The following CSMD1 variants were observed in gnomAD, a reference collection of about 807,000 sequenced individuals.
CSMD1 encodes the protein CUB and Sushi multiple domains 1.
CSMD1 carries 213 observed loss-of-function variants against 417.5 expected under a neutral mutation model. The observed-to-expected ratio is 0.51, with a 90% confidence interval of 0.46 to 0.57. The LOEUF is 0.57. CSMD1 is among the 20% of genes least tolerant of loss of function. CSMD1 has a pLI of 0.00. For missense variants in CSMD1, 6,923 were observed against 4,529.7 expected (o/e 1.53, Z -15.17); for synonymous variants, 2,862 against 1,736.8 (o/e 1.65, Z -16.11).
chr8:4,652,318 T>C (rs1285308546), intron 1 of CSMD1, among the ~76,000 whole-genome samples: 1 of 152,170 alleles, frequency 6.6e-6, no homozygotes, highest in Admixed American at 6.5e-5. Context: ...TTGACATTTC[T>C]CATTAGTCTA....
intron 1 of CSMD1, among the ~76,000 whole-genome samples, chr8:4,705,454 G>A (rs1372657181): frequency 6.6e-6 from 1 of 152,114 alleles, no homozygotes; most frequent in Non-Finnish European, 1.5e-5. Context: ...TCAAAAGTGT[G>A]CTCACATAGT....
chr8:4,750,229 G>C (rs578127726), intron 1 of CSMD1, among the ~76,000 whole-genome samples: 3 of 151,012 alleles, frequency 2.0e-5, no homozygotes, highest in South Asian at 2.1e-4. Flanking sequence ...CGATGGTCTC[G>C]ATCTCCCGAC....
intron 10 of CSMD1, among the ~76,000 whole-genome samples, chr8:3,527,694 G>C (rs1374097952): frequency 6.6e-6 from 1 of 152,122 alleles, no homozygotes; most frequent in Non-Finnish European, 1.5e-5. Context: ...TTTTGGCTTA[G>C]AGCAATGTGA....
chr8:4,281,768 G>C (rs1327490841), intron 3 of CSMD1, among the ~76,000 whole-genome samples: 1 of 152,040 alleles, frequency 6.6e-6, no homozygotes, highest in Non-Finnish European at 1.5e-5. Flanking sequence ...AATACATAAA[G>C]GAATAAAGTG....
At chr8:3,727,750 G>C (rs1802577874) in intron 6 of CSMD1, among the ~76,000 whole-genome samples, 1 of 152,152 alleles carries the variant, frequency 6.6e-6, no homozygotes. Context: ...AAGATAATGT[G>C]ATCTGACCAT....
intron 41 of CSMD1, among the ~76,000 whole-genome samples, chr8:3,140,251 G>C (rs776247117): frequency 1.3e-5 from 2 of 152,142 alleles, no homozygotes; most frequent in Non-Finnish European, 2.9e-5. Flanking sequence ...TTGAAAAAGA[G>C]AGAGAGCAGA....
At chr8:4,200,016 G>A (rs150790735) in intron 3 of CSMD1, among the ~76,000 whole-genome samples, 230 of 152,284 alleles carry the variant, frequency 1.5e-3, no homozygotes, top group African/African-American at 4.8e-3. Context: ...TGGACTTGTT[G>A]AAAATTATGT....
chr8:4,467,760 C>T (rs559155863), intron 2 of CSMD1, among the ~76,000 whole-genome samples: 16 of 152,138 alleles, frequency 1.1e-4, no homozygotes, highest in Middle Eastern at 3.4e-3. Flanking sequence ...AAATATTTAC[C>T]GTAGAAAGCA....
At chr8:2,961,328 G>A (rs1206005686) in intron 61 of CSMD1, 114 bp from the exon 62 acceptor site, 2 of 491,758 alleles carry the variant, frequency 4.1e-6, no homozygotes, top group Non-Finnish European at 7.2e-6. Context: ...TTTGAGAAAT[G>A]TGCAAGATGT....
intron 1 of CSMD1, among the ~76,000 whole-genome samples, chr8:4,784,463 G>C (rs770509008): frequency 6.6e-6 from 1 of 152,156 alleles, no homozygotes; most frequent in African/African-American, 2.4e-5. Context: ...AATAACACTT[G>C]CATTGAAATT....
chr8:3,181,053 T>G, intron 37 of CSMD1, 57 bp downstream of exon 37: 2 of 1,057,610 alleles, frequency 1.9e-6, no homozygotes, highest in Non-Finnish European at 2.9e-6. Flanking sequence ...TATTTTTTCT[T>G]TAAAAAAATG....
intron 3 of CSMD1, among the ~76,000 whole-genome samples, chr8:4,063,219 G>C (rs1476493356): frequency 2.0e-5 from 3 of 151,972 alleles, no homozygotes; most frequent in African/African-American, 7.3e-5. Flanking sequence ...GAGACTTTGT[G>C]TGCATATTTC....
intron 3 of CSMD1, among the ~76,000 whole-genome samples, chr8:4,126,642 G>C (rs150403236): frequency 6.6e-6 from 1 of 152,026 alleles, no homozygotes; most frequent in African/African-American, 2.4e-5. Context: ...TTCTGTATTT[G>C]GTTTTCTTCT....
At chr8:4,958,883 C>G (rs1198355935) in intron 1 of CSMD1, among the ~76,000 whole-genome samples, 2 of 152,126 alleles carry the variant, frequency 1.3e-5, no homozygotes, top group South Asian at 2.1e-4. Context: ...ATTGACTTCT[C>G]ATTCCTTCAA....
intron 3 of CSMD1, among the ~76,000 whole-genome samples, chr8:4,280,068 T>G (rs1335793855): frequency 6.6e-6 from 1 of 152,252 alleles, no homozygotes; most frequent in South Asian, 2.1e-4. Flanking sequence ...GAGCGTTAAC[T>G]AACGCGTTGA....
intron 1 of CSMD1, among the ~76,000 whole-genome samples, chr8:4,869,423 A>G (rs995857289): frequency 1.3e-5 from 2 of 152,054 alleles, no homozygotes; most frequent in South Asian, 2.1e-4. Flanking sequence ...CACTTACCAA[A>G]TATTTGGTAA....
chr8:4,641,384 T>A (rs1803179510), intron 1 of CSMD1, among the ~76,000 whole-genome samples: 1 of 152,138 alleles, frequency 6.6e-6, no homozygotes, highest in Non-Finnish European at 1.5e-5. Flanking sequence ...AGATTTCTAC[T>A]CCTTAGATAA....
intron 1 of CSMD1, among the ~76,000 whole-genome samples, chr8:4,902,275 T>TA (rs199601817): frequency 0.021 from 3,013 of 146,900 alleles, 83 homozygotes; most frequent in African/African-American, 0.066. Context: ...CTCTATCTAT[T>TA]AAAAAAAAAA....
intron 50 of CSMD1, among the ~76,000 whole-genome samples, chr8:3,031,523 G>A (rs1262049335): frequency 6.6e-6 from 1 of 151,984 alleles, no homozygotes; most frequent in South Asian, 2.1e-4. Flanking sequence ...CTTTATTTCT[G>A]CCAAGAATGA....
Sources: allele counts gnomAD v4.1 joint callset (sites outside exome capture counted in the v4.1 genomes callset), GRCh38; gene constraint gnomAD v4.1.1; transcripts MANE v1.5; gene names NCBI Gene and HGNC (gene_info 2026-07-23, HGNC 2026-07-21).